The following SORCS2 variants were observed in gnomAD, a reference collection of about 807,000 sequenced individuals.
SORCS2 encodes the protein VPS10 domain-containing receptor SorCS2.
In SORCS2, 100 loss-of-function variants were observed where a neutral mutation model predicts 141.6. That is an observed-to-expected ratio of 0.71 (90% CI 0.60 to 0.83). SORCS2 has a LOEUF of 0.83. SORCS2 is among the 40% of genes least tolerant of loss of function. SORCS2 has a pLI of 0.00. For missense variants in SORCS2, 1,646 were observed against 1,560.2 expected (o/e 1.05, Z -0.93); for synonymous variants, 789 against 676.9 (o/e 1.17, Z -2.57).
intron 1 of SORCS2, among the ~76,000 whole-genome samples, chr4:7,305,621 C>T (rs1717767322): frequency 6.6e-6 from 1 of 152,196 alleles, no homozygotes; most frequent in Non-Finnish European, 1.5e-5. Context: ...GTGAGAGAAG[C>T]TGTTTTTGCT....
intron 1 of SORCS2, among the ~76,000 whole-genome samples, chr4:7,391,177 C>T (rs1210542839): frequency 6.6e-6 from 1 of 152,212 alleles, no homozygotes; most frequent in Non-Finnish European, 1.5e-5. Context: ...CCCACTCTGC[C>T]AGGGCCACCT....
In SORCS2 at chr4:7,725,159, C is replaced by T; in HGVS notation, c.2617C>T (p.Leu873=). ...AVLFVQVNSP[L]QALYLEVVPV... ...GCCTTTTTGGGTCCCCACAGCCCCC[C>T]TGCAGGCCCTCTACCTGGAGGTGGT... is the stretch of plus-strand genomic sequence containing the variant. The change falls in exon 20 of 27, where the codon CTG becomes TTG. Residue 873 remains leucine (L), a synonymous_variant. Transcript: ENST00000507866. 1 of 1,613,114 alleles carries T rather than the reference C, an allele frequency of 6.2e-7. No individual in the cohort carries two copies. The highest frequency in any genetic ancestry group is 1.7e-4 in the Middle Eastern group (1 of 6,056).
chr4:7,318,654 C>G (rs542147159), intron 1 of SORCS2, among the ~76,000 whole-genome samples: 17 of 152,332 alleles, frequency 1.1e-4, no homozygotes, highest in African/African-American at 4.1e-4. Context: ...AGTACTGTCT[C>G]AATCATCGCA....
chr4:7,279,039 A>G (rs1302873227), intron 1 of SORCS2, among the ~76,000 whole-genome samples: 1 of 151,962 alleles, frequency 6.6e-6, no homozygotes, highest in East Asian at 1.9e-4. Context: ...CGAATACCCC[A>G]CCCACCACCT....
At chr4:7,333,936 G>A (rs961657222) in intron 1 of SORCS2, among the ~76,000 whole-genome samples, 3 of 151,962 alleles carry the variant, frequency 2.0e-5, no homozygotes, top group South Asian at 4.1e-4. Flanking sequence ...CTCTGATCCC[G>A]CTTCTCCCAT....
intron 3 of SORCS2, among the ~76,000 whole-genome samples, chr4:7,550,416 A>G (rs56314350): frequency 0.054 from 8,247 of 152,266 alleles, 325 homozygotes; most frequent in African/African-American, 0.11. Flanking sequence ...TGGGACTCCA[A>G]GGTGCTCTGG....
chr4:7,656,011 C>T (rs755935112), intron 5 of SORCS2, among the ~76,000 whole-genome samples: 4 of 152,246 alleles, frequency 2.6e-5, no homozygotes, highest in Admixed American at 6.5e-5. Context: ...CTGACCACCA[C>T]GGCCCCGGCC....
At chr4:7,527,410 C>G (rs1462360846) in intron 2 of SORCS2, among the ~76,000 whole-genome samples, 1 of 152,200 alleles carries the variant, frequency 6.6e-6, no homozygotes, top group African/African-American at 2.4e-5. Flanking sequence ...TGGTAGTCGG[C>G]GCTGTGACGG....
intron 2 of SORCS2, among the ~76,000 whole-genome samples, chr4:7,483,362 T>G (rs1410106207): frequency 6.7e-6 from 1 of 148,888 alleles, no homozygotes; most frequent in African/African-American, 2.5e-5. Flanking sequence ...GAAAGCCACG[T>G]GACGGATGAA....
At chr4:7,580,035 T>C (rs1205159963) in intron 3 of SORCS2, among the ~76,000 whole-genome samples, 1 of 152,166 alleles carries the variant, frequency 6.6e-6, no homozygotes, top group Non-Finnish European at 1.5e-5. Context: ...TTTATGAGGG[T>C]ATATAAATTG....
chr4:7,465,743 A>T (rs932057198), intron 2 of SORCS2, among the ~76,000 whole-genome samples: 16 of 152,252 alleles, frequency 1.1e-4, no homozygotes, highest in Non-Finnish European at 1.6e-4. Context: ...CATGTACAAG[A>T]GGTTGATATG....
intron 5 of SORCS2, among the ~76,000 whole-genome samples, chr4:7,659,313 C>G (rs1485606710): frequency 1.3e-5 from 2 of 152,148 alleles, no homozygotes; most frequent in Non-Finnish European, 2.9e-5. Context: ...CCGTACTCCC[C>G]TCCTGGGAGC....
chr4:7,268,176 C>G (rs1330460639), intron 1 of SORCS2, among the ~76,000 whole-genome samples: 4 of 152,266 alleles, frequency 2.6e-5, no homozygotes, highest in African/African-American at 7.2e-5. Flanking sequence ...ACCCTCTGGG[C>G]TGAATTCATT....
chr4:7,714,308 G>A lies in SORCS2; in HGVS notation c.2058G>A (p.Lys686=), dbSNP rs1308366733. The change falls in exon 16 of 27, where the codon AAG becomes AAA. Residue 686 remains lysine, a synonymous_variant. Transcript: ENST00000507866. ...GAAAGTCCACGTCCTGGTGCATCAA[G>A]GGGAGGAGCTTCACGTCGGCGCTCA... ...RKRKSTSWCI[K]GRSFTSALTS... The A allele has an allele frequency of 6.2e-6, 10 of 1,601,542 alleles. No individual in the cohort carries two copies. The Admixed American group carries it at 1.5e-4, about 25-fold the overall frequency.
chr4:7,384,353 T>C (rs746160843), intron 1 of SORCS2, among the ~76,000 whole-genome samples: 25 of 152,312 alleles, frequency 1.6e-4, no homozygotes, highest in Middle Eastern at 3.4e-3. Flanking sequence ...GAGGAAGTCA[T>C]TTATTTTAAT....
chr4:7,726,939 G>A (rs772160758), intron 21 of SORCS2, 36 bp downstream of exon 21: 1 of 1,595,322 alleles, frequency 6.3e-7, no homozygotes, highest in Non-Finnish European at 8.6e-7. Context: ...CACGGCCTCT[G>A]CATCTCTGCT....
intron 2 of SORCS2, among the ~76,000 whole-genome samples, chr4:7,416,457 C>T (rs1336195756): frequency 1.3e-5 from 2 of 152,184 alleles, no homozygotes; most frequent in African/African-American, 2.4e-5. Context: ...CACTGATGCC[C>T]TGTGTACGGT....
intron 3 of SORCS2, among the ~76,000 whole-genome samples, chr4:7,573,233 A>G (rs2109717889): frequency 6.6e-6 from 1 of 152,306 alleles, no homozygotes; most frequent in Non-Finnish European, 1.5e-5. Flanking sequence ...ACAAGCACAC[A>G]AGATCCCTGC....
chr4:7,203,906 A>G (rs954048732), intron 1 of SORCS2, among the ~76,000 whole-genome samples: 1 of 152,176 alleles, frequency 6.6e-6, no homozygotes, highest in Non-Finnish European at 1.5e-5. Context: ...GGGTGGAACC[A>G]TACACATTTG....
Sources: allele counts gnomAD v4.1 joint callset (sites outside exome capture counted in the v4.1 genomes callset), GRCh38; gene constraint gnomAD v4.1.1; transcripts MANE v1.5; gene names NCBI Gene and HGNC (gene_info 2026-07-23, HGNC 2026-07-21).